The following KCNIP4 variants were observed in gnomAD, a reference collection of about 807,000 sequenced individuals.
The protein encoded by KCNIP4 is potassium voltage-gated channel interacting protein 4, also known as Kv channel-interacting protein 4.
Under a neutral mutation model 34.0 loss-of-function variants are expected in KCNIP4, and 12 were observed. That is an observed-to-expected ratio of 0.35 (90% CI 0.23 to 0.57). KCNIP4 has a LOEUF of 0.57. Ranked by LOEUF, KCNIP4 falls within the 20% of genes least tolerant of loss-of-function variation. The pLI is 0.83. For missense variants in KCNIP4, 238 were observed against 311.7 expected, an observed-to-expected ratio of 0.76 and a Z score of 1.78; for synonymous variants, 124 against 102.2, an observed-to-expected ratio of 1.21 and a Z score of -1.29.
chr4:20,874,930 G>A (rs944323794), intron 2 of KCNIP4, among the ~76,000 whole-genome samples: 4 of 152,060 alleles, frequency 2.6e-5, no homozygotes, highest in Non-Finnish European at 5.9e-5. Flanking sequence ...GCCTTTCATG[G>A]ACAGTGAAGT....
At chr4:21,820,283 GTGTATATATATA>G (rs1463140889) in intron 1 of KCNIP4, among the ~76,000 whole-genome samples, 10,999 of 127,444 alleles carry the variant, frequency 0.086, 577 homozygotes, top group Middle Eastern at 0.12. Flanking sequence ...ATGTGTGTGT[GTGTATATATATA>G]TATATATATA....
At chr4:21,333,966 C>T (rs551595919) in intron 1 of KCNIP4, among the ~76,000 whole-genome samples, 150 of 152,212 alleles carry the variant, frequency 9.9e-4, no homozygotes, top group Admixed American at 5.2e-3. Context: ...AAGTAATAAG[C>T]ATGTTATTTT....
At chr4:21,668,748 GT>G (rs1211120567) in intron 1 of KCNIP4, among the ~76,000 whole-genome samples, 2 of 151,896 alleles carry the variant, frequency 1.3e-5, no homozygotes, top group Non-Finnish European at 2.9e-5. Flanking sequence ...GTTTCTCTAT[GT>G]TTTGGACACA....
chr4:21,474,336 G>T (rs1730732687), intron 1 of KCNIP4, among the ~76,000 whole-genome samples: 1 of 151,992 alleles, frequency 6.6e-6, no homozygotes, highest in Non-Finnish European at 1.5e-5. Flanking sequence ...GCTGCTCTAT[G>T]GTCCTATTAA....
chr4:21,709,595 G>A (rs1193727073), intron 1 of KCNIP4, among the ~76,000 whole-genome samples: 2 of 152,132 alleles, frequency 1.3e-5, no homozygotes, highest in East Asian at 3.9e-4. Flanking sequence ...AAGAGAAGAT[G>A]CAAATAATTT....
chr4:21,318,812 A>C (rs1302572943), intron 1 of KCNIP4, among the ~76,000 whole-genome samples: 1 of 151,644 alleles, frequency 6.6e-6, no homozygotes, highest in East Asian at 1.9e-4. Context: ...GTTAGTAAAA[A>C]CCCTCTTGGG....
intron 1 of KCNIP4, among the ~76,000 whole-genome samples, chr4:21,180,189 C>T (rs925301659): frequency 1.3e-5 from 2 of 152,136 alleles, no homozygotes; most frequent in Non-Finnish European, 2.9e-5. Flanking sequence ...CTGAAACTCT[C>T]ATAAATCTCA....
intron 3 of KCNIP4, among the ~76,000 whole-genome samples, chr4:20,831,502 C>G (rs910116569): frequency 1.3e-5 from 2 of 152,138 alleles, no homozygotes; most frequent in Admixed American, 1.3e-4. Flanking sequence ...CATGGCCACA[C>G]TTCTTGAAAA....
chr4:21,002,842 T>C (rs1738257173), intron 1 of KCNIP4, among the ~76,000 whole-genome samples: 1 of 152,208 alleles, frequency 6.6e-6, no homozygotes, highest in South Asian at 2.1e-4. Flanking sequence ...AGATAAGTCC[T>C]TTAACCTCTC....
intron 1 of KCNIP4, among the ~76,000 whole-genome samples, chr4:21,499,083 A>G (rs1308350643): frequency 2.6e-5 from 4 of 152,102 alleles, no homozygotes; most frequent in Non-Finnish European, 5.9e-5. Context: ...ATGTAATCCC[A>G]ACACTTTGGG....
At chr4:21,361,206 T>C (rs1578127953) in intron 1 of KCNIP4, among the ~76,000 whole-genome samples, 1 of 152,242 alleles carries the variant, frequency 6.6e-6, no homozygotes, top group East Asian at 1.9e-4. Flanking sequence ...TCTTGGTTGG[T>C]GACCTTACCT....
Position 20,729,869 on chromosome 4 carries a change from C to A in KCNIP4, c.*213G>T. On this transcript the variant is annotated 3_prime_UTR_variant, in exon 9 of 9. Coordinates refer to ENST00000382152, the MANE Select transcript of KCNIP4 (RefSeq NM_025221.6). ...TCACAGAGTATGAAATGAGTTAGAC[C>A]ATCCCCTGAACTCAGTGGCATTATG... The A allele has an allele frequency of 2.2e-6, 1 of 444,590 alleles. No individual in the cohort carries two copies. The highest frequency in any genetic ancestry group is 3.9e-6 in the Non-Finnish European group (1 of 254,490). 27.5% of individuals were successfully genotyped at this position (444,590 alleles called of 1,614,324 possible).
At chr4:21,055,143 G>C (rs1743292173) in intron 1 of KCNIP4, among the ~76,000 whole-genome samples, 1 of 152,078 alleles carries the variant, frequency 6.6e-6, no homozygotes, top group South Asian at 2.1e-4. Context: ...AAGATATACA[G>C]ATGGGAAATA....
intron 1 of KCNIP4, among the ~76,000 whole-genome samples, chr4:21,265,202 G>T (rs939279374): frequency 2.6e-5 from 4 of 152,020 alleles, no homozygotes; most frequent in African/African-American, 9.7e-5. Context: ...AAAAGAGGGA[G>T]ACAGGCCCCA....
At chr4:21,534,675 T>C (rs1487929556) in intron 1 of KCNIP4, among the ~76,000 whole-genome samples, 1 of 152,138 alleles carries the variant, frequency 6.6e-6, no homozygotes. Context: ...CATGAAGTAC[T>C]GTGTTCATGA....
At chr4:21,745,300 T>C (rs2109135651) in intron 1 of KCNIP4, among the ~76,000 whole-genome samples, 1 of 152,326 alleles carries the variant, frequency 6.6e-6, no homozygotes, top group East Asian at 1.9e-4. Flanking sequence ...AAGATTACCG[T>C]AGAATTTCAA....
intron 1 of KCNIP4, among the ~76,000 whole-genome samples, chr4:21,316,637 A>G (rs1428012966): frequency 2.0e-5 from 3 of 152,182 alleles, no homozygotes; most frequent in Non-Finnish European, 2.9e-5. Flanking sequence ...TAATGTGTGA[A>G]GGCTATGTTG....
chr4:21,378,605 AC>A (rs990135334), intron 1 of KCNIP4, among the ~76,000 whole-genome samples: 4 of 152,156 alleles, frequency 2.6e-5, no homozygotes, highest in African/African-American at 9.6e-5. Flanking sequence ...CTACTACCAT[AC>A]ATTTAAATAC....
intron 1 of KCNIP4, among the ~76,000 whole-genome samples, chr4:21,895,317 A>G (rs1727323698): frequency 6.6e-6 from 1 of 152,166 alleles, no homozygotes. Flanking sequence ...ATAAGGACAA[A>G]AGATAAAACT....
Sources: gnomAD v4.1 joint callset for allele counts (sites outside exome capture counted in the v4.1 genomes callset) on GRCh38, gnomAD v4.1.1 for gene constraint, MANE v1.5 for transcripts, NCBI Gene and HGNC (gene_info 2026-07-23, HGNC 2026-07-21) for gene names.